Variants in TENM3 observed in about 807,000 individuals in gnomAD.
The protein encoded by TENM3 is teneurin-3.
TENM3 carries 63 observed loss-of-function variants against 255.1 expected under a neutral mutation model. The observed-to-expected ratio is 0.25, with a 90% CI of 0.20 to 0.30. The LOEUF (loss-of-function observed/expected upper bound fraction) is 0.30, where lower values mean the gene tolerates loss of function less well. TENM3 is among the 10% of genes least tolerant of loss of function. The pLI is 1.00. For synonymous variants in TENM3, 1,306 were observed against 1,322.3 expected, an observed-to-expected ratio of 0.99 and a Z score of 0.27; for missense variants, 2,929 against 3,461.1, an observed-to-expected ratio of 0.85 and a Z score of 3.86.
intron 1 of TENM3, among the ~76,000 whole-genome samples, chr4:182,262,385 G>A (rs1758860286): frequency 6.6e-6 from 1 of 152,132 alleles, no homozygotes; most frequent in Admixed American, 6.5e-5. Flanking sequence ...CTAAGTTACA[G>A]GATGGGATAG....
chr4:181,685,360 C>T, the TENM3 span, among the ~76,000 whole-genome samples: 2 of 152,136 alleles, frequency 1.3e-5, no homozygotes, highest in Admixed American at 6.5e-5. Context: ...TCCCTGGAAG[C>T]ACAATCTACC....
the TENM3 span, among the ~76,000 whole-genome samples, chr4:181,708,195 C>T: frequency 6.6e-6 from 1 of 152,140 alleles, no homozygotes; most frequent in Non-Finnish European, 1.5e-5. Flanking sequence ...ATTATAGCAG[C>T]ATGGGCTAAT....
upstream of TENM3, among the ~76,000 whole-genome samples, chr4:182,241,856 C>T (rs190726963): frequency 3.9e-5 from 6 of 151,986 alleles, no homozygotes; most frequent in African/African-American, 9.7e-5. Context: ...AAGGCTTGAC[C>T]GTTCTTTTAA....
At chr4:182,068,312 C>T in the TENM3 span, among the ~76,000 whole-genome samples, 96,343 of 151,622 alleles carry the variant, frequency 0.64, 31,811 homozygotes, top group East Asian at 0.87. Context: ...TTGAGGATGG[C>T]AGTGGGAAGT....
At chr4:182,319,653 T>C (rs918682537) in intron 1 of TENM3, among the ~76,000 whole-genome samples, 4 of 152,354 alleles carry the variant, frequency 2.6e-5, no homozygotes, top group Admixed American at 6.5e-5. Flanking sequence ...TTACTAGGTG[T>C]TAACATTTAG....
chr4:182,420,459 C>G (rs529724389), intron 3 of TENM3, among the ~76,000 whole-genome samples: 70 of 152,228 alleles, frequency 4.6e-4, no homozygotes, highest in African/African-American at 1.6e-3. Context: ...TTGCCGCATA[C>G]GGACATAATT....
chr4:182,243,941 G>GTT (rs1757463031), intron 1 of TENM3, among the ~76,000 whole-genome samples: 3 of 107,408 alleles, frequency 2.8e-5, no homozygotes, highest in African/African-American at 3.8e-5. Flanking sequence ...AATCATTTGT[G>GTT]TTTTCTTTTT....
chr4:182,687,223 A>G (rs1483806939), intron 11 of TENM3, among the ~76,000 whole-genome samples: 1 of 152,168 alleles, frequency 6.6e-6, no homozygotes, highest in Non-Finnish European at 1.5e-5. Flanking sequence ...GAAAACCAAA[A>G]CTAATCAATA....
chr4:182,760,860 C>T (rs1319989626), intron 22 of TENM3, among the ~76,000 whole-genome samples: 1 of 152,048 alleles, frequency 6.6e-6, no homozygotes, highest in Non-Finnish European at 1.5e-5. Flanking sequence ...AAGGGATCCC[C>T]GAAGAGGAAA....
intron 24 of TENM3, among the ~76,000 whole-genome samples, chr4:182,787,735 CAAAAAAA>C (rs33998093): frequency 0.087 from 3,611 of 41,526 alleles, 189 homozygotes; most frequent in African/African-American, 0.2. Context: ...AACTCCACCT[CAAAAAAA>C]AAAAAAAAAA....
the TENM3 span, among the ~76,000 whole-genome samples, chr4:181,755,953 C>T: frequency 6.6e-6 from 1 of 152,038 alleles, no homozygotes; most frequent in Admixed American, 6.6e-5. Flanking sequence ...ATCTCTGGTG[C>T]ACTGTCACGT....
intron 1 of TENM3, among the ~76,000 whole-genome samples, chr4:182,227,437 G>C (rs1463046463): frequency 6.8e-6 from 1 of 147,826 alleles, no homozygotes; most frequent in African/African-American, 2.4e-5. Flanking sequence ...AGTGTCCACT[G>C]TCGGTGGAAT....
the TENM3 span, among the ~76,000 whole-genome samples, chr4:181,575,428 G>A: frequency 6.6e-6 from 1 of 151,948 alleles, no homozygotes; most frequent in South Asian, 2.1e-4. Context: ...AAATAGAATT[G>A]GACCCATCAA....
chr4:181,818,273 T>C, the TENM3 span, among the ~76,000 whole-genome samples: 433 of 152,356 alleles, frequency 2.8e-3, 1 homozygote, highest in Middle Eastern at 6.8e-3. Flanking sequence ...ACTTGTTAAC[T>C]TGAAGTACGG....
At chr4:182,363,633 A>G (rs1766193803) in intron 3 of TENM3, among the ~76,000 whole-genome samples, 1 of 152,148 alleles carries the variant, frequency 6.6e-6, no homozygotes, top group African/African-American at 2.4e-5. Context: ...GAATATGTAT[A>G]CAAAAGGTAA....
chr4:182,008,662 G>A, the TENM3 span, among the ~76,000 whole-genome samples: 1 of 151,860 alleles, frequency 6.6e-6, no homozygotes, highest in Admixed American at 6.6e-5. Context: ...TTTGTATTGG[G>A]TTGAACATGC....
chr4:182,664,200 A>G (rs1300116974), intron 6 of TENM3, among the ~76,000 whole-genome samples: 1 of 152,194 alleles, frequency 6.6e-6, no homozygotes, highest in Non-Finnish European at 1.5e-5. Flanking sequence ...TTCCAACAGC[A>G]TGTGCTCACA....
the TENM3 span, among the ~76,000 whole-genome samples, chr4:181,739,306 G>A: frequency 2.0e-5 from 3 of 152,266 alleles, no homozygotes; most frequent in Admixed American, 1.3e-4. Flanking sequence ...CAATGTTTAA[G>A]AATGAAGCTC....
At chr4:181,906,618 G>A in the TENM3 span, among the ~76,000 whole-genome samples, 4 of 152,222 alleles carry the variant, frequency 2.6e-5, no homozygotes, top group Non-Finnish European at 4.4e-5. Context: ...TTAACACAAA[G>A]CACAAACTCA....
Sources: allele counts gnomAD v4.1 joint callset (sites outside exome capture counted in the v4.1 genomes callset), GRCh38; gene constraint gnomAD v4.1.1; transcripts MANE v1.5; gene names NCBI Gene and HGNC (gene_info 2026-07-23, HGNC 2026-07-21).